The following DTNB variants were observed in gnomAD, a reference collection of about 807,000 sequenced individuals.
DTNB encodes the protein dystrobrevin beta, also known as DTN-B.
Under a neutral mutation model 90.7 loss-of-function variants are expected in DTNB, and 63 were observed. That is an observed-to-expected ratio of 0.69 (90% CI 0.57 to 0.86). DTNB has a LOEUF of 0.86. Ranked by LOEUF, DTNB falls within the 40% of genes least tolerant of loss-of-function variation. The pLI is 0.00. For missense variants in DTNB, 744 were observed against 807.1 expected (o/e 0.92, Z 0.95); for synonymous variants, 277 against 286.7 (o/e 0.97, Z 0.34).
At chr2:25,382,999 T>A (rs1332021083) in intron 19 of DTNB, among the ~76,000 whole-genome samples, 1 of 152,192 alleles carries the variant, frequency 6.6e-6, no homozygotes, top group Non-Finnish European at 1.5e-5. Context: ...TTAAGCAGGT[T>A]CGATATATAA....
intron 10 of DTNB, among the ~76,000 whole-genome samples, chr2:25,478,329 T>C (rs746810499): frequency 6.6e-6 from 1 of 152,184 alleles, no homozygotes; most frequent in Non-Finnish European, 1.5e-5. Flanking sequence ...CTAAGACTCC[T>C]GGGAAAAGTG....
At chr2:25,565,142 T>C (rs561643713) in intron 8 of DTNB, among the ~76,000 whole-genome samples, 3 of 152,350 alleles carry the variant, frequency 2.0e-5, no homozygotes, top group Non-Finnish European at 2.9e-5. Context: ...CAGTACAATG[T>C]TGAATAAAAA....
In DTNB at chr2:25,569,058, G is replaced by T. The variant is rs572508039; in HGVS notation, c.876+7780C>A. On this transcript the variant is annotated intron_variant, in intron 8 of 20. Transcript: ENST00000406818. ...AAGAGAACACACATAGGTGGCCCCAGTGTCTGTTCCAGCAGATCCCGGCCT... is the reference window on the plus strand; with the variant it reads ...AAGAGAACACACATAGGTGGCCCCATTGTCTGTTCCAGCAGATCCCGGCCT... Among the ~76,000 whole-genome samples, 6 of 152,314 alleles carry T rather than the reference G, an allele frequency of 3.9e-5. No individual in the cohort carries two copies. The South Asian group carries it at 1.2e-3, about 32-fold the overall frequency.
intron 4 of DTNB, among the ~76,000 whole-genome samples, chr2:25,623,764 C>G (rs1476727743): frequency 6.6e-6 from 1 of 151,994 alleles, no homozygotes; most frequent in Admixed American, 6.6e-5. Context: ...AATAACAAAG[C>G]AAATAGGAAA....
At chr2:25,593,050 C>T (rs373503416) in intron 6 of DTNB, among the ~76,000 whole-genome samples, 4 of 152,144 alleles carry the variant, frequency 2.6e-5, no homozygotes, top group African/African-American at 7.2e-5. Context: ...GGAGGCAAAA[C>T]GTCTTCACAG....
chr2:25,576,648 T>C, intron 8 of DTNB, 190 bp downstream of exon 8: 1 of 679,894 alleles, frequency 1.5e-6, no homozygotes, highest in Non-Finnish European at 2.2e-6. Flanking sequence ...CCTGGAATTT[T>C]TAAAAATTCT....
At chr2:25,616,037 A>C (rs1469812457) in intron 4 of DTNB, among the ~76,000 whole-genome samples, 3 of 152,244 alleles carry the variant, frequency 2.0e-5, no homozygotes, top group African/African-American at 7.2e-5. Flanking sequence ...AGGACATAAT[A>C]AAAGATTACA....
intron 3 of DTNB, among the ~76,000 whole-genome samples, chr2:25,629,176 T>C (rs935901935): frequency 2.6e-5 from 4 of 152,174 alleles, no homozygotes; most frequent in Non-Finnish European, 5.9e-5. Flanking sequence ...TGCAAAATAA[T>C]TTTAATGTGT....
At chr2:25,389,846 TTGTGTGTGTGTG>T (rs68107964) in intron 16 of DTNB, among the ~76,000 whole-genome samples, 7 of 96,122 alleles carry the variant, frequency 7.3e-5, no homozygotes, top group East Asian at 7.2e-4. Flanking sequence ...TTTGAATCAT[TTGTGTGTGTGTG>T]TGTGTGTGTG....
chr2:25,614,996 T>C (rs759861357), intron 4 of DTNB, among the ~76,000 whole-genome samples: 3 of 152,190 alleles, frequency 2.0e-5, no homozygotes, highest in Non-Finnish European at 4.4e-5. Context: ...CAGATATCAG[T>C]AGCAAGTAGT....
chr2:25,492,701 T>C (rs1439589861), intron 9 of DTNB, among the ~76,000 whole-genome samples: 1 of 151,970 alleles, frequency 6.6e-6, no homozygotes, highest in African/African-American at 2.4e-5. Flanking sequence ...AATCAAACAT[T>C]AGCTGGTTTT....
chr2:25,548,225 C>A (rs1002900988), intron 8 of DTNB, among the ~76,000 whole-genome samples: 1 of 152,026 alleles, frequency 6.6e-6, no homozygotes, highest in African/African-American at 2.4e-5. Flanking sequence ...TATTTTCAAT[C>A]TTTTCTTTCC....
chr2:25,583,500 A>T (rs1299960978), intron 6 of DTNB, among the ~76,000 whole-genome samples: 1 of 151,178 alleles, frequency 6.6e-6, no homozygotes, highest in Non-Finnish European at 1.5e-5. Context: ...CCTACCATGG[A>T]GTTTTTGTGT....
intron 16 of DTNB, among the ~76,000 whole-genome samples, chr2:25,411,063 T>C (rs188777738): frequency 8.2e-4 from 124 of 151,654 alleles, no homozygotes; most frequent in African/African-American, 3.0e-3. Context: ...TACTTAACCA[T>C]AAAGAAAAAC....
chr2:25,477,899 C>T (rs1341151962), intron 10 of DTNB, among the ~76,000 whole-genome samples: 1 of 151,964 alleles, frequency 6.6e-6, no homozygotes, highest in Non-Finnish European at 1.5e-5. Flanking sequence ...TTACTTTTAG[C>T]CTACGTTTTA....
At chr2:25,479,307 C>G (rs1432345599) in intron 10 of DTNB, among the ~76,000 whole-genome samples, 1 of 152,074 alleles carries the variant, frequency 6.6e-6, no homozygotes, top group African/African-American at 2.4e-5. Context: ...CAGAACAGTA[C>G]GCAGCATAAG....
At chr2:25,581,230 A>G (rs1037570959) in intron 6 of DTNB, among the ~76,000 whole-genome samples, 1 of 152,162 alleles carries the variant, frequency 6.6e-6, no homozygotes, top group Non-Finnish European at 1.5e-5. Flanking sequence ...CAAGTATAAG[A>G]GCAGGGACTG....
intron 1 of DTNB, 100 bp downstream of exon 1, chr2:25,673,286 A>T (rs2086553515): frequency 6.6e-6 from 1 of 151,334 alleles, no homozygotes; most frequent in African/African-American, 2.4e-5. Flanking sequence ...CCGGGTCCCC[A>T]GTCCCGGCGC....
rs148167556 is a variant in DTNB at position 25,385,630 on chromosome 2, C to T, written c.1825+1659G>A. ...ACCAGCTTTCCCCCTTCAAGCTGCA[C>T]GACCTTAGGCAGACCACTTTTCTGA... On this transcript the variant is annotated intron_variant, in intron 18 of 20. Coordinates refer to ENST00000406818, the MANE Select transcript of DTNB (RefSeq NM_021907.5). Among the ~76,000 whole-genome samples the T allele has an allele frequency of 2.4e-4, 37 of 152,298 alleles. No individual in the cohort carries two copies. In the East Asian group the frequency reaches 4.3e-3, roughly 18 times the overall value.
Sources: allele counts gnomAD v4.1 joint callset (sites outside exome capture counted in the v4.1 genomes callset), GRCh38; gene constraint gnomAD v4.1.1; transcripts MANE v1.5; gene names NCBI Gene and HGNC (gene_info 2026-07-23, HGNC 2026-07-21).